RNMT: variants seen among roughly 807,000 people sequenced by gnomAD.
RNMT encodes the protein RNA guanine-7 methyltransferase, also known as mRNA cap guanine-N(7) methyltransferase.
RNMT carries 27 observed loss-of-function variants against 56.0 expected under a neutral mutation model. That is an observed-to-expected ratio of 0.48 (90% CI 0.36 to 0.67). The LOEUF (loss-of-function observed/expected upper bound fraction) is 0.67. RNMT is among the 30% of genes least tolerant of loss of function. The pLI, the probability that RNMT is intolerant of heterozygous loss-of-function variation, is 0.00. For synonymous variants in RNMT, 184 were observed against 176.2 expected, an observed-to-expected ratio of 1.04 and a Z score of -0.35; for missense variants, 519 against 552.1, an observed-to-expected ratio of 0.94 and a Z score of 0.60.
intron 11 of RNMT, among the ~76,000 whole-genome samples, chr18:13,757,040 T>G (rs2044554862): frequency 6.6e-6 from 1 of 152,204 alleles, no homozygotes; most frequent in Admixed American, 6.5e-5. Context: ...TCACTCAGAT[T>G]TTTTGGTTTC....
chr18:13,729,098 T>C (rs1429200103), intron 1 of RNMT, among the ~76,000 whole-genome samples: 8 of 152,236 alleles, frequency 5.3e-5, no homozygotes, highest in Admixed American at 5.2e-4. Context: ...AGTAGTTTCA[T>C]ACTTTTGGGT....
intron 9 of RNMT, among the ~76,000 whole-genome samples, chr18:13,747,359 A>C (rs1354034421): frequency 6.6e-6 from 1 of 152,056 alleles, no homozygotes; most frequent in Non-Finnish European, 1.5e-5. Flanking sequence ...ACTGACTACA[A>C]GCGTGTGTCA....
chr18:13,739,678 C>T (rs928578194), intron 5 of RNMT, among the ~76,000 whole-genome samples: 8 of 152,012 alleles, frequency 5.3e-5, no homozygotes, highest in South Asian at 2.1e-4. Flanking sequence ...CCTAGCTACT[C>T]GGGAGGCTGA....
chr18:13,742,187 A>G (rs1052828511), intron 7 of RNMT, among the ~76,000 whole-genome samples: 1 of 152,116 alleles, frequency 6.6e-6, no homozygotes, highest in Non-Finnish European at 1.5e-5. Flanking sequence ...AAAAATTTAC[A>G]AATTAGCCAG....
Position 13,737,109 on chromosome 18 carries a change from G to A in RNMT, c.653G>A (p.Gly218Glu). Reference protein sequence around the residue: ...KGGDLLKWKKGRINKLVCTDI... With the variant: ...KGGDLLKWKKERINKLVCTDI... ...GGAGATTTGCTGAAATGGAAAAAAG[G>A]AAGAATTAACAAGCTAGTTTGTACT... is the stretch of plus-strand genomic sequence containing the variant. Residue 218 changes from glycine (G) to glutamate (E), a missense_variant, in exon 5 of 12, where the codon GGA becomes GAA. Gly to Glu is a moderately conservative substitution (Grantham distance 98, BLOSUM62 -2). Coordinates refer to ENST00000383314, the MANE Select transcript of RNMT (RefSeq NM_003799.3). 1 of 1,611,204 alleles carries A rather than the reference G, an allele frequency of 6.2e-7. No individual in the cohort carries two copies. Among genetic ancestry groups the A allele is most frequent in the Non-Finnish European group, 8.5e-7 (1 of 1,177,724 alleles).
In RNMT at chr18:13,760,740, T is replaced by C. The variant is rs2044608975; in HGVS notation, c.*761T>C. 1 of 985,416 alleles carries C rather than the reference T, an allele frequency of 1.0e-6. No homozygotes were observed. The allele number at this position is 985,416 out of a possible 1,614,324, so 61.0% of individuals were successfully genotyped here. ...TGCCATAGTTATTTTTCTCAAAATT[T>C]AGTGAAAATCCCTCCCATGTAGACA... On this transcript the variant is annotated 3_prime_UTR_variant, in exon 12 of 12. Transcript: ENST00000383314.
At chr18:13,748,250 C>A (rs1300311007) in intron 9 of RNMT, among the ~76,000 whole-genome samples, 1 of 152,204 alleles carries the variant, frequency 6.6e-6, no homozygotes, top group Non-Finnish European at 1.5e-5. Flanking sequence ...CCTTCTCTCC[C>A]AGTACTGCAC....
chr18:13,737,277 T>C (rs2044177472), intron 5 of RNMT, 142 bp downstream of exon 5: 1 of 738,158 alleles, frequency 1.4e-6, no homozygotes. Flanking sequence ...ACGCGGTGGC[T>C]CATGCCTGTA....
chr18:13,758,204 G>T (rs534023278), intron 11 of RNMT, among the ~76,000 whole-genome samples: 3 of 152,184 alleles, frequency 2.0e-5, no homozygotes, highest in Admixed American at 1.3e-4. Context: ...GGATAAATGA[G>T]CATTGGCTTC....
chr18:13,749,047 C>G (rs913070007), intron 9 of RNMT, among the ~76,000 whole-genome samples: 8 of 152,048 alleles, frequency 5.3e-5, no homozygotes, highest in Admixed American at 5.2e-4. Context: ...CCACTGCACT[C>G]CAGCCTGGGT....
In RNMT at chr18:13,731,644, C is replaced by T. The variant is rs958021329; in HGVS notation, c.127C>T (p.Leu43Phe). ...AAACACAACAGCTTCTGGGACTGGG[C>T]TTTCTGAAAAGACTTCTGTCTGTAG... Reference protein sequence around the residue: ...NENTTASGTGLSEKTSVCRQV... With the variant: ...NENTTASGTGFSEKTSVCRQV... Residue 43 changes from leucine (L) to phenylalanine (F), a missense_variant, in exon 3 of 12, where the codon CTT becomes TTT. Transcript: ENST00000383314. The T allele has an allele frequency of 1.2e-6, 2 of 1,613,948 alleles. No homozygotes were observed. The highest frequency in any genetic ancestry group is 1.7e-6 in the Non-Finnish European group (2 of 1,179,996).
At chr18:13,742,681 T>C (rs2044271244) in intron 8 of RNMT, 29 bp downstream of exon 8, 1 of 1,544,858 alleles carries the variant, frequency 6.5e-7, no homozygotes, top group Admixed American at 2.0e-5. Context: ...GTTCACTCTT[T>C]TCTTTTTGTC....
chr18:13,738,073 G>C (rs555338444), intron 5 of RNMT, among the ~76,000 whole-genome samples: 1 of 152,014 alleles, frequency 6.6e-6, no homozygotes, highest in South Asian at 2.1e-4. Context: ...AGACGTCAGC[G>C]TCTTTCTGAT....
chr18:13,737,912 T>G (rs1206833746), intron 5 of RNMT, among the ~76,000 whole-genome samples: 1 of 152,094 alleles, frequency 6.6e-6, no homozygotes, highest in Non-Finnish European at 1.5e-5. Flanking sequence ...AATCATAATT[T>G]TTTTCATTCT....
chr18:13,747,942 G>T (rs2044379466), intron 9 of RNMT, among the ~76,000 whole-genome samples: 1 of 152,152 alleles, frequency 6.6e-6, no homozygotes, highest in African/African-American at 2.4e-5. Flanking sequence ...CATGATAGTG[G>T]TCAATTATTT....
intron 4 of RNMT, 99 bp from the exon 5 acceptor site, chr18:13,736,911 C>A: frequency 9.9e-7 from 1 of 1,013,560 alleles, no homozygotes; most frequent in Non-Finnish European, 1.5e-6. Flanking sequence ...GTTTATGTTA[C>A]ATATTGGGCA....
chr18:13,752,192 T>C (rs968104666), intron 9 of RNMT, 134 bp from the exon 10 acceptor site: 12 of 608,698 alleles, frequency 2.0e-5, no homozygotes, highest in African/African-American at 3.7e-5. Context: ...ATTTCAAAAG[T>C]ATGTATAGTT....
intron 9 of RNMT, among the ~76,000 whole-genome samples, chr18:13,748,212 A>G (rs1387830463): frequency 1.3e-5 from 2 of 152,214 alleles, no homozygotes; most frequent in African/African-American, 4.8e-5. Context: ...AGTAGTGCTA[A>G]TGGCCTTCAC....
intron 7 of RNMT, among the ~76,000 whole-genome samples, 197 bp from the exon 8 acceptor site, chr18:13,742,291 C>T (rs955203022): frequency 2.7e-5 from 4 of 150,326 alleles, no homozygotes; most frequent in African/African-American, 4.9e-5. Context: ...GCTATGATCA[C>T]ACCACCACAC....
Sources: gnomAD v4.1 joint callset for allele counts (sites outside exome capture counted in the v4.1 genomes callset) on GRCh38, gnomAD v4.1.1 for gene constraint, MANE v1.5 for transcripts, NCBI Gene and HGNC (gene_info 2026-07-23, HGNC 2026-07-21) for gene names.